Variants in VAMP1 observed in about 807,000 individuals in gnomAD.
The protein encoded by VAMP1 is vesicle-associated membrane protein 1.
Under a neutral mutation model 19.1 loss-of-function variants are expected in VAMP1, and 16 were observed. That is an observed-to-expected ratio of 0.84 (90% CI 0.57 to 1.27). The LOEUF (loss-of-function observed/expected upper bound fraction) is 1.27, where lower values mean the gene tolerates loss of function less well. VAMP1 is among the 50% of genes most tolerant of loss of function. The probability of loss-of-function intolerance (pLI) is 0.00; values close to 1 mark genes in which losing one functional copy is unlikely to be tolerated. For missense variants in VAMP1, 109 were observed against 145.4 expected (o/e 0.75, Z 1.29); for synonymous variants, 37 against 50.2 (o/e 0.74, Z 1.11).
intron 1 of VAMP1, 136 bp downstream of exon 1, chr12:6,470,394 C>T: frequency 7.3e-7 from 1 of 1,362,476 alleles, no homozygotes; most frequent in South Asian, 1.2e-5. Context: ...GTGGCCCGGT[C>T]CGGAAGCGGC....
chr12:6,469,845 C>G (rs1945726002), intron 1 of VAMP1, among the ~76,000 whole-genome samples: 1 of 152,176 alleles, frequency 6.6e-6, no homozygotes, highest in Non-Finnish European at 1.5e-5. Flanking sequence ...AAGCTCAGCT[C>G]TCCCTATTTC....
Position 6,470,645 on chromosome 12 carries a change from CTA to C in VAMP1, c.-116_-115del. 6.9e-7 allele frequency: 1 copy of C among 1,448,826 alleles called. No individual in the cohort carries two copies. Among genetic ancestry groups the C allele is most frequent in the East Asian group, 2.4e-5 (1 of 41,882 alleles). 89.7% of individuals were successfully genotyped at this position (1,448,826 alleles called of 1,614,324 possible). On this transcript the variant is annotated 5_prime_UTR_variant, in exon 1 of 5. Transcript: ENST00000396308. The stretch of plus-strand genomic sequence containing the variant: ...ACTGCCAAGCTCCGCCTCGCGCCGA[CTA>C]CCCCGCGGTCTAGCTGCGCTGGAAC...
chr12:6,466,948 T>C (rs1024858482), intron 1 of VAMP1: 3 of 153,994 alleles, frequency 1.9e-5, no homozygotes, highest in Non-Finnish European at 4.3e-5. Flanking sequence ...ATCTTTCCGG[T>C]GCTATTCTGG....
At chr12:6,470,423 G>A in intron 1 of VAMP1, 107 bp downstream of exon 1, 1 of 1,543,244 alleles carries the variant, frequency 6.5e-7, no homozygotes, top group Non-Finnish European at 8.9e-7. Flanking sequence ...GTAGTTCCCC[G>A]CGTTGCTGCA....
chr12:6,465,568 A>C lies in VAMP1; in HGVS notation c.288+274T>G, dbSNP rs113705037. 4.6e-4 allele frequency among the ~76,000 whole-genome samples: 69 copies of C among 150,074 alleles called. 1 individual carries two copies. The highest frequency in any genetic ancestry group is 1.6e-3 in the African/African-American group (65 of 40,702). ...AGACAGGTGAAATTTTTTGCAGGCA[A>C]CTCCTTTGGGGTAAAGCTCCTTAAC... On this transcript the variant is annotated intron_variant, in intron 3 of 4. Transcript: ENST00000396308.
intron 4 of VAMP1, 115 bp downstream of exon 4, chr12:6,464,775 C>T (rs1180933019): frequency 3.2e-6 from 5 of 1,554,354 alleles, no homozygotes; most frequent in African/African-American, 2.7e-5. Flanking sequence ...CCCATAGCAG[C>T]GGTCTCCATA....
Position 6,462,824 on chromosome 12 carries a change from C to T in VAMP1, c.*1646G>A, listed in dbSNP as rs974452309. 3.1e-6 allele frequency: 5 copies of T among 1,604,688 alleles called. No individual in the cohort carries two copies. In the South Asian group the frequency reaches 4.5e-5, roughly 14 times the overall value. ...TTGGGAGGGTACTGACTGCTTTCTT[C>T]CAGCTCTTCAGTCCCGCCCTTGGGC... On this transcript the variant is annotated 3_prime_UTR_variant, in exon 5 of 5. Transcript: ENST00000396308.
chr12:6,464,146 G>A lies in VAMP1; in HGVS notation c.*324C>T, dbSNP rs763736645. ...GTCTGGGCAGCTTCATGGGTACTTC[G>A]CCTCAGCCACTCCCCTCCCTGCCCC... On this transcript the variant is annotated 3_prime_UTR_variant, in exon 5 of 5. Transcript: ENST00000396308. 11 of 1,391,036 alleles carry A rather than the reference G, an allele frequency of 7.9e-6. No individual in the cohort carries two copies. Among genetic ancestry groups the A allele is most frequent in the Admixed American group, 6.5e-5 (3 of 46,266 alleles). 86.2% of individuals were successfully genotyped at this position (1,391,036 alleles called of 1,614,324 possible). A position where few individuals can be genotyped will look rare whatever the true frequency, so the allele number is the denominator to read the frequency against.
Position 6,462,734 on chromosome 12 carries a change from G to GCCA in VAMP1, c.*1735_*1736insTGG. On this transcript the variant is annotated 3_prime_UTR_variant, in exon 5 of 5. Transcript: ENST00000396308. ...CGAGGACAGTGGTGGTTCTTCTCCA[G>GCCA]CGGTGACCCCCTGCATTAGGCAAGG... 1 of 1,297,788 alleles carries GCCA rather than the reference G, an allele frequency of 7.7e-7. No individual in the cohort carries two copies. Among genetic ancestry groups the GCCA allele is most frequent in the Non-Finnish European group, 1.1e-6 (1 of 944,704 alleles). The allele number at this position is 1,297,788 out of a possible 1,614,324, so 80.4% of individuals were successfully genotyped here. A position where few individuals can be genotyped will look rare whatever the true frequency, so the allele number is the denominator to read the frequency against.
Position 6,467,416 on chromosome 12 carries a change from G to A in VAMP1, c.3-1065C>T, listed in dbSNP as rs1945656625. On this transcript the variant is annotated intron_variant, in intron 1 of 4. Transcript: ENST00000396308. ...TGAGGTGGTCTCAGATGGAGATGAGGAACTTGTTGGGAACTGAAGCAAAGG... is the reference window on the plus strand; with the variant it reads ...TGAGGTGGTCTCAGATGGAGATGAGAAACTTGTTGGGAACTGAAGCAAAGG... Among the ~76,000 whole-genome samples, 3 of 152,204 alleles carry A rather than the reference G, an allele frequency of 2.0e-5. No individual in the cohort carries two copies. In the South Asian group the frequency reaches 6.2e-4, roughly 32 times the overall value.
chr12:6,468,874 G>C (rs1408600193), intron 1 of VAMP1, among the ~76,000 whole-genome samples: 1 of 152,126 alleles, frequency 6.6e-6, no homozygotes, highest in Admixed American at 6.5e-5. Flanking sequence ...AGAAATTACA[G>C]TAAGAACTCC....
chr12:6,467,392 G>A (rs759390549), intron 1 of VAMP1, among the ~76,000 whole-genome samples: 6 of 152,196 alleles, frequency 3.9e-5, no homozygotes, highest in African/African-American at 1.2e-4. Flanking sequence ...GGTCCAGGCT[G>A]AGGTGGTCTC....
At position 6,470,672 on chromosome 12, in the gene VAMP1, C is replaced by T; in HGVS notation, c.-141G>A. On this transcript the variant is annotated 5_prime_UTR_variant, in exon 1 of 5. Coordinates refer to ENST00000396308, the MANE Select transcript of VAMP1 (RefSeq NM_014231.5). ...ACCCCGCGGTCTAGCTGCGCTGGAA[C>T]TTACTGCAGCTGCCGCGCCGGCCTC... is the stretch of plus-strand genomic sequence containing the variant. The T allele has an allele frequency of 9.4e-7, 1 of 1,064,376 alleles. No individual in the cohort carries two copies. Among genetic ancestry groups the T allele is most frequent in the South Asian group, 1.3e-5 (1 of 74,776 alleles). The allele number at this position is 1,064,376 out of a possible 1,614,324, so 65.9% of individuals were successfully genotyped here. A position where few individuals can be genotyped will look rare whatever the true frequency, so the allele number is the denominator to read the frequency against.
intron 1 of VAMP1, 70 bp downstream of exon 1, chr12:6,470,460 C>A (rs1945744718): frequency 6.2e-7 from 1 of 1,609,694 alleles, no homozygotes; most frequent in African/African-American, 1.3e-5. Flanking sequence ...ATTTTCCGTC[C>A]CGCAGAATCG....
Position 6,463,462 on chromosome 12 carries a change from A to G in VAMP1, c.*1008T>C, listed in dbSNP as rs1459082609. 1 of 1,039,332 alleles carries G rather than the reference A, an allele frequency of 9.6e-7. No individual in the cohort carries two copies. The highest frequency in any genetic ancestry group is 1.2e-6 in the Non-Finnish European group (1 of 861,634). 64.4% of individuals were successfully genotyped at this position (1,039,332 alleles called of 1,614,324 possible). On this transcript the variant is annotated 3_prime_UTR_variant, in exon 5 of 5. Transcript: ENST00000396308. This position sits in a 1 kb window ranked among gnomAD's most constrained non-coding sequence, Gnocchi z 4.0. Reference sequence around the variant, plus strand: ...GAGGAAAGGATTCCATGGGTGTCCAAAGATCTCACACTGCTAACACCCTCA... The same window carrying G: ...GAGGAAAGGATTCCATGGGTGTCCAGAGATCTCACACTGCTAACACCCTCA...
rs140825588 is a variant in VAMP1 at position 6,468,355 on chromosome 12, A to T, written c.3-2004T>A. ...ACAAGATGAGGAAATCAGGGCTGCC[A>T]TAAGGGCAGCTTGGAAAATCACCAA... is the stretch of plus-strand genomic sequence containing the variant. On this transcript the variant is annotated intron_variant, in intron 1 of 4. Coordinates refer to ENST00000396308, the MANE Select transcript of VAMP1 (RefSeq NM_014231.5). Among the ~76,000 whole-genome samples, 4 of 152,352 alleles carry T rather than the reference A, an allele frequency of 2.6e-5. No homozygotes were observed. The South Asian group carries it at 8.3e-4, about 32-fold the overall frequency.
At chr12:6,467,985 TGTCCA>T (rs1945671313) in intron 1 of VAMP1, among the ~76,000 whole-genome samples, 1 of 152,260 alleles carries the variant, frequency 6.6e-6, no homozygotes, top group Admixed American at 6.5e-5. Flanking sequence ...AACGCCTGGA[TGTCCA>T]GGCAAAAGTT....
intron 1 of VAMP1, among the ~76,000 whole-genome samples, chr12:6,469,468 A>G (rs1945713380): frequency 6.6e-6 from 1 of 152,216 alleles, no homozygotes; most frequent in Admixed American, 6.5e-5. Flanking sequence ...TAGAACACTC[A>G]TATCTGGTTA....
intron 1 of VAMP1, among the ~76,000 whole-genome samples, chr12:6,469,739 C>T (rs1387356774): frequency 6.6e-6 from 1 of 152,116 alleles, no homozygotes; most frequent in African/African-American, 2.4e-5. Flanking sequence ...AGAAGTACTT[C>T]GTTTGTTTAG....
Sources: gnomAD v4.1 joint callset for allele counts (sites outside exome capture counted in the v4.1 genomes callset) on GRCh38, gnomAD v4.1.1 for gene constraint, Gnocchi (gnomAD v3.1) non-coding constraint, MANE v1.5 for transcripts, NCBI Gene and HGNC (gene_info 2026-07-23, HGNC 2026-07-21) for gene names.